Variants in ZDHHC17 observed in about 807,000 individuals in gnomAD.
The protein encoded by ZDHHC17 is palmitoyltransferase ZDHHC17.
ZDHHC17 carries 40 observed loss-of-function variants against 90.3 expected under a neutral mutation model. The observed-to-expected ratio is 0.44, with a 90% CI of 0.34 to 0.58. The LOEUF is 0.58. Among genes scored for constraint, ZDHHC17 ranks in the 20% least tolerant of loss-of-function variants. The pLI, the probability that ZDHHC17 is intolerant of heterozygous loss-of-function variation, is 0.01. For synonymous variants in ZDHHC17, 235 were observed against 252.4 expected, an observed-to-expected ratio of 0.93 and a Z score of 0.65; for missense variants, 614 against 780.8, an observed-to-expected ratio of 0.79 and a Z score of 2.55.
chr12:76,824,122 C>T (rs1295864088), intron 8 of ZDHHC17, among the ~76,000 whole-genome samples: 1 of 152,002 alleles, frequency 6.6e-6, no homozygotes, highest in Non-Finnish European at 1.5e-5. Flanking sequence ...TCATAAATGA[C>T]TTACAAATTT....
At position 76,797,457 on chromosome 12, in the gene ZDHHC17, T is replaced by A; in HGVS notation, c.117T>A (p.Tyr39Ter). The change falls in exon 2 of 17, where the codon TAT becomes TAA. Residue 39 changes from tyrosine (Y) to a stop codon, truncating the protein, a stop_gained. Transcript: ENST00000426126. LOFTEE classifies it high-confidence loss of function. ...AGGAAATCAAACCCCAAAGCCATTA[T>A]AACCATGGATATGGTGAACCTCTTG... ...HPEEIKPQSH[Y>*]NHGYGEPLGR... The A allele has an allele frequency of 6.2e-7, 1 of 1,609,422 alleles. No homozygotes were observed. Among genetic ancestry groups the A allele is most frequent in the Non-Finnish European group, 8.5e-7 (1 of 1,177,764 alleles).
intron 1 of ZDHHC17, among the ~76,000 whole-genome samples, chr12:76,791,060 T>C (rs1429978703): frequency 1.3e-5 from 2 of 152,174 alleles, no homozygotes; most frequent in African/African-American, 4.8e-5. Flanking sequence ...TATTGAAATA[T>C]CACTCTGTAT....
intron 8 of ZDHHC17, among the ~76,000 whole-genome samples, chr12:76,824,023 A>G (rs1953198324): frequency 6.6e-6 from 1 of 152,174 alleles, no homozygotes; most frequent in African/African-American, 2.4e-5. Flanking sequence ...TACTTTGGAA[A>G]ATCCCACAAT....
intron 3 of ZDHHC17, among the ~76,000 whole-genome samples, chr12:76,808,069 A>G (rs925244114): frequency 6.6e-6 from 1 of 152,216 alleles, no homozygotes; most frequent in African/African-American, 2.4e-5. Context: ...CTTTAAAAGC[A>G]CCAATTTAAA....
At position 76,827,152 on chromosome 12, in the gene ZDHHC17, ATTTAT is replaced by A. The variant is rs1234509557; in HGVS notation, c.1040+105_1040+109del. 3 of 1,250,856 alleles carry A rather than the reference ATTTAT, an allele frequency of 2.4e-6. No individual in the cohort carries two copies. In the African/African-American group the frequency reaches 4.9e-5, roughly 20 times the overall value. 77.5% of individuals were successfully genotyped at this position (1,250,856 alleles called of 1,614,324 possible). On this transcript the variant is annotated intron_variant, in intron 9 of 16. Transcript: ENST00000426126. Reference sequence around the variant, plus strand: ...TTTGTATGTTGTACATTTGATCTTAATTTATTTAAATAATTTAGACATCTGTATGT... The same window carrying A: ...TTTGTATGTTGTACATTTGATCTTAATTAAATAATTTAGACATCTGTATGT...
intron 1 of ZDHHC17, among the ~76,000 whole-genome samples, chr12:76,777,986 A>T (rs1271661535): frequency 6.6e-6 from 1 of 152,162 alleles, no homozygotes; most frequent in Non-Finnish European, 1.5e-5. Flanking sequence ...CAGTGGGACT[A>T]TGCCTTTTTT....
At position 76,788,727 on chromosome 12, in the gene ZDHHC17, G is replaced by A. The variant is rs866637928; in HGVS notation, c.94-8707G>A. On this transcript the variant is annotated intron_variant, in intron 1 of 16. Transcript: ENST00000426126. Reference sequence around the variant, plus strand: ...TTTTTTTTTTTTTGAGCAGAGTTTCGCTCTTGTTGTCCAGGCTGGAGTGCA... The same window carrying A: ...TTTTTTTTTTTTTGAGCAGAGTTTCACTCTTGTTGTCCAGGCTGGAGTGCA... Among the ~76,000 whole-genome samples, 7 of 53,416 alleles carry A rather than the reference G, an allele frequency of 1.3e-4. No individual in the cohort carries two copies. The South Asian group carries it at 2.4e-3, about 19-fold the overall frequency. The allele number at this position is 53,416 out of a possible 152,430, so 35.0% of individuals were successfully genotyped here.
rs1346129295 is a variant in ZDHHC17 at position 76,853,670 on chromosome 12, T to C, written c.*2685T>C. 6.6e-6 allele frequency: 1 copy of C among 152,472 alleles called. No homozygotes were observed. The highest frequency in any genetic ancestry group is 1.9e-4 in the East Asian group (1 of 5,196). 9.4% of individuals were successfully genotyped at this position (152,472 alleles called of 1,614,324 possible). ...TTAAATGTCAAAATTTTGTAAAATA[T>C]TAATCAGAATAAATACTGACTCTTA... On this transcript the variant is annotated 3_prime_UTR_variant, in exon 17 of 17. Coordinates refer to ENST00000426126, the MANE Select transcript of ZDHHC17 (RefSeq NM_015336.4).
chr12:76,807,964 C>A (rs913765068), intron 3 of ZDHHC17, among the ~76,000 whole-genome samples: 1 of 152,060 alleles, frequency 6.6e-6, no homozygotes, highest in Non-Finnish European at 1.5e-5. Flanking sequence ...TAAATGTTTG[C>A]GTTATTAATA....
chr12:76,791,583 AT>A lies in ZDHHC17; in HGVS notation c.94-5850del, dbSNP rs1304676852. 2.6e-5 allele frequency among the ~76,000 whole-genome samples: 4 copies of A among 152,180 alleles called. No individual in the cohort carries two copies. The East Asian group carries it at 7.7e-4, about 29-fold the overall frequency. On this transcript the variant is annotated intron_variant, in intron 1 of 16. Coordinates refer to ENST00000426126, the MANE Select transcript of ZDHHC17 (RefSeq NM_015336.4). ...AGAGACCCAAAATACCATAAATTTAATAGAATTAAATTTGAAGGGCAAGTCC... is the reference window on the plus strand; with the variant it reads ...AGAGACCCAAAATACCATAAATTTAAAGAATTAAATTTGAAGGGCAAGTCC...
chr12:76,821,087 G>A (rs1038586540), intron 7 of ZDHHC17: 1 of 1,289,122 alleles, frequency 7.8e-7, no homozygotes, highest in African/African-American at 1.5e-5. Flanking sequence ...TGGCCCTCTA[G>A]TGGAAGGGAT....
At chr12:76,779,922 T>G (rs946546340) in intron 1 of ZDHHC17, among the ~76,000 whole-genome samples, 2 of 152,152 alleles carry the variant, frequency 1.3e-5, no homozygotes, top group Non-Finnish European at 2.9e-5. Context: ...GTACATCTCT[T>G]CCATTGAATT....
intron 1 of ZDHHC17, among the ~76,000 whole-genome samples, chr12:76,779,565 T>C (rs979724682): frequency 1.3e-5 from 2 of 152,164 alleles, no homozygotes; most frequent in African/African-American, 4.8e-5. Flanking sequence ...TTCCCTCCCA[T>C]GACACGTGGG....
intron 7 of ZDHHC17, among the ~76,000 whole-genome samples, chr12:76,820,168 GA>G (rs1265234925): frequency 6.6e-6 from 1 of 151,930 alleles, no homozygotes; most frequent in East Asian, 1.9e-4. Flanking sequence ...TGAAATTGTT[GA>G]AAAAAAGTTA....
chr12:76,818,917 T>TG (rs1953124799), intron 7 of ZDHHC17, among the ~76,000 whole-genome samples: 1 of 152,194 alleles, frequency 6.6e-6, no homozygotes, highest in African/African-American at 2.4e-5. Flanking sequence ...GAGAATGCAT[T>TG]GAAGAGTTAA....
intron 16 of ZDHHC17, among the ~76,000 whole-genome samples, 156 bp from the exon 17 acceptor site, chr12:76,850,691 A>G (rs1224974079): frequency 1.3e-5 from 2 of 152,240 alleles, no homozygotes; most frequent in Admixed American, 6.5e-5. Flanking sequence ...ATGAAGGCAT[A>G]TATATTTTAT....
chr12:76,833,973 C>T (rs530930546), intron 10 of ZDHHC17, among the ~76,000 whole-genome samples: 28 of 152,056 alleles, frequency 1.8e-4, no homozygotes, highest in Non-Finnish European at 3.1e-4. Flanking sequence ...TTATCAGTTA[C>T]GCTACCTATG....
chr12:76,821,310 G>A (rs1384519095), intron 7 of ZDHHC17: 1 of 225,802 alleles, frequency 4.4e-6, no homozygotes, highest in Non-Finnish European at 8.3e-6. Flanking sequence ...AAATACCATT[G>A]ATCTTTATAT....
chr12:76,780,178 A>G (rs1032166523), intron 1 of ZDHHC17, among the ~76,000 whole-genome samples: 8 of 152,090 alleles, frequency 5.3e-5, no homozygotes, highest in African/African-American at 7.2e-5. Context: ...TCTATTGTCT[A>G]CTTGCTGGGA....
Sources: gnomAD v4.1 joint callset for allele counts (sites outside exome capture counted in the v4.1 genomes callset) on GRCh38, gnomAD v4.1.1 for gene constraint, MANE v1.5 for transcripts, NCBI Gene and HGNC (gene_info 2026-07-23, HGNC 2026-07-21) for gene names.